Variants in WDR33 observed in about 807,000 individuals in gnomAD.
WDR33 encodes the protein pre-mRNA 3' end processing protein WDR33.
In WDR33, 47 loss-of-function variants were observed where a neutral mutation model predicts 164.9. That is an observed-to-expected ratio of 0.29 (90% confidence interval 0.23 to 0.36). The LOEUF (loss-of-function observed/expected upper bound fraction) is 0.36, where lower values mean the gene tolerates loss of function less well. Ranked by LOEUF, WDR33 falls within the 10% of genes least tolerant of loss-of-function variation. WDR33 has a pLI of 1.00. For synonymous variants in WDR33, 505 were observed against 589.0 expected, an observed-to-expected ratio of 0.86 and a Z score of 2.06; for missense variants, 1,137 against 1,754.1, an observed-to-expected ratio of 0.65 and a Z score of 6.28.
chr2:127,755,210 T>G (rs1405937367), intron 7 of WDR33, among the ~76,000 whole-genome samples: 3 of 152,234 alleles, frequency 2.0e-5, no homozygotes, highest in Non-Finnish European at 4.4e-5. Flanking sequence ...AAATATCTTC[T>G]CAAATCCTGA....
At chr2:127,737,726 C>A in intron 7 of WDR33, 1 of 1,168,232 alleles carries the variant, frequency 8.6e-7, no homozygotes, top group Non-Finnish European at 1.1e-6. Context: ...AATGATTCTT[C>A]TGGAGCACTT....
chr2:127,718,012 T>TC lies in WDR33; in HGVS notation c.2761-750dup, dbSNP rs1686338196. 6.6e-6 allele frequency among the ~76,000 whole-genome samples: 1 copy of TC among 152,146 alleles called. No individual in the cohort carries two copies. Among genetic ancestry groups the TC allele is most frequent in the African/African-American group, 2.4e-5 (1 of 41,432 alleles). ...GTAAATTAATAAAATATATAATACTTCAAGTTTTAGGGCAATTTAGAATGG... is the reference window on the plus strand; with the variant it reads ...GTAAATTAATAAAATATATAATACTTCCAAGTTTTAGGGCAATTTAGAATGG... On this transcript the variant is annotated intron_variant, in intron 16 of 21. Transcript: ENST00000322313. This position sits in a 1 kb window ranked among gnomAD's most constrained non-coding sequence, Gnocchi z 4.4.
chr2:127,784,698 A>C (rs1264092492), intron 1 of WDR33, among the ~76,000 whole-genome samples: 1 of 152,188 alleles, frequency 6.6e-6, no homozygotes, highest in Non-Finnish European at 1.5e-5. Context: ...TGTATCAACA[A>C]GCTTTTTATA....
Position 127,738,446 on chromosome 2 carries a change from T to C in WDR33, c.725-11669A>G, listed in dbSNP as rs1353874619. Among the ~76,000 whole-genome samples the C allele has an allele frequency of 4.6e-5, 7 of 152,126 alleles. No homozygotes were observed. The highest frequency in any genetic ancestry group is 1.0e-4 in the Non-Finnish European group (7 of 68,022). ...CCACCTGAAAAGAGGTGAGGTGTAA[T>C]GCTCCACTCCTTAAGTGTGGGCTAT... On this transcript the variant is annotated intron_variant, in intron 7 of 21. Transcript: ENST00000322313. The surrounding 1 kb of genome is among the most constrained non-coding windows in gnomAD (Gnocchi z 4.4).
intron 1 of WDR33, among the ~76,000 whole-genome samples, chr2:127,797,361 G>C (rs1030530057): frequency 2.6e-5 from 4 of 151,828 alleles, no homozygotes; most frequent in African/African-American, 9.7e-5. Flanking sequence ...GCGTGGTGGC[G>C]CACACCTGTA....
chr2:127,800,077 G>C (rs1573482119), intron 1 of WDR33, among the ~76,000 whole-genome samples: 1 of 152,210 alleles, frequency 6.6e-6, no homozygotes, highest in Non-Finnish European at 1.5e-5. Flanking sequence ...CTGAAAATTA[G>C]GTGGGAAAAT....
chr2:127,809,404 T>C (rs923104285), intron 1 of WDR33, among the ~76,000 whole-genome samples: 4 of 151,584 alleles, frequency 2.6e-5, no homozygotes, highest in Middle Eastern at 3.2e-3. Flanking sequence ...GTCTAAACCA[T>C]TGTAATATAT....
rs372196765 is a variant in WDR33 at position 127,732,770 on chromosome 2, G to A, written c.725-5993C>T. Among the ~76,000 whole-genome samples, 7 of 152,126 alleles carry A rather than the reference G, an allele frequency of 4.6e-5. No individual in the cohort carries two copies. In the East Asian group the frequency reaches 1.3e-3, roughly 29 times the overall value. On this transcript the variant is annotated intron_variant, in intron 7 of 21. Transcript: ENST00000322313. ...GGGGTGCATTAAGTTTCAAGATACT[G>A]TGGGTTTTGTGAAGAGGCAAACCGT...
At position 127,750,698 on chromosome 2, in the gene WDR33, A is replaced by C. The variant is rs866288109; in HGVS notation, c.724+12364T>G. Among the ~76,000 whole-genome samples, 567 of 60,266 alleles carry C rather than the reference A, an allele frequency of 9.4e-3. 17 individuals are homozygous for C. Among genetic ancestry groups the C allele is most frequent in the African/African-American group, 0.052 (528 of 10,200 alleles). The allele number at this position is 60,266 out of a possible 152,430, so 39.5% of individuals were successfully genotyped here. A position where few individuals can be genotyped will look rare whatever the true frequency, so the allele number is the denominator to read the frequency against. ...AAAAAATATATATATATATATATATATATATATATATATATGTATGTATGC... is the reference window on the plus strand; with the variant it reads ...AAAAAATATATATATATATATATATCTATATATATATATATGTATGTATGC... On this transcript the variant is annotated intron_variant, in intron 7 of 21. Transcript: ENST00000322313.
chr2:127,702,359 C>T lies in WDR33; in HGVS notation c.*3964G>A, dbSNP rs558979569. The T allele has an allele frequency of 9.3e-5, 44 of 471,662 alleles. No homozygotes were observed. Among genetic ancestry groups the T allele is most frequent in the East Asian group, 1.5e-4 (3 of 19,950 alleles). The allele number at this position is 471,662 out of a possible 1,614,324, so 29.2% of individuals were successfully genotyped here. A position where few individuals can be genotyped will look rare whatever the true frequency, so the allele number is the denominator to read the frequency against. ...GGAGGCGACAGCAGCGTTGGGAGCT[C>T]CTCGATGTCAGCTTTTTGTGCTGGA... On this transcript the variant is annotated 3_prime_UTR_variant, in exon 22 of 22. Coordinates refer to ENST00000322313, the MANE Select transcript of WDR33 (RefSeq NM_018383.5).
intron 1 of WDR33, among the ~76,000 whole-genome samples, chr2:127,795,836 GAAAA>G (rs200785408): frequency 6.9e-6 from 1 of 143,932 alleles, no homozygotes; most frequent in Non-Finnish European, 1.5e-5. Flanking sequence ...TTTGTCTCCG[GAAAA>G]AAAAAAACTG....
At position 127,711,774 on chromosome 2, in the gene WDR33, A is replaced by ATTTTTTTTTTTTT. The variant is rs1382438028; in HGVS notation, c.3308+1808_3308+1809insAAAAAAAAAAAAA. 2.1e-3 allele frequency among the ~76,000 whole-genome samples: 193 copies of ATTTTTTTTTTTTT among 93,284 alleles called. 9 individuals carry two copies. The highest frequency in any genetic ancestry group is 6.5e-3 in the Middle Eastern group (1 of 154). The allele number at this position is 93,284 out of a possible 152,430, so 61.2% of individuals were successfully genotyped here. The stretch of plus-strand genomic sequence containing the variant: ...CAGATATATATATATATATATATAT[A>ATTTTTTTTTTTTT]TATATATTTTTTTTTTGAGACAGAG... On this transcript the variant is annotated intron_variant, in intron 18 of 21. Coordinates refer to ENST00000322313, the MANE Select transcript of WDR33 (RefSeq NM_018383.5).
Position 127,721,813 on chromosome 2 carries a change from C to T in WDR33, c.1671+23G>A, listed in dbSNP as rs1353221244. ...CTACCCTCTTAGATCATCTTGAATT[C>T]CCCCCTACAGAGCTTCACACACCTC... On this transcript the variant is annotated intron_variant, in intron 15 of 21. Coordinates refer to ENST00000322313, the MANE Select transcript of WDR33 (RefSeq NM_018383.5). This position sits in a 1 kb window ranked among gnomAD's most constrained non-coding sequence, Gnocchi z 4.9. The T allele has an allele frequency of 6.3e-7, 1 of 1,587,044 alleles. No homozygotes were observed.
intron 7 of WDR33, among the ~76,000 whole-genome samples, chr2:127,757,345 C>T (rs900016024): frequency 1.3e-5 from 2 of 152,074 alleles, no homozygotes; most frequent in South Asian, 4.1e-4. Context: ...TATTTCAGAA[C>T]CCTACTACAC....
chr2:127,709,639 A>C lies in WDR33; in HGVS notation c.3472+54T>G. ...GACTGTTCCTGGTGTATTCACAACC[A>C]GTGTATTCTGCACCCTATCCTTCCA... On this transcript the variant is annotated intron_variant, in intron 19 of 21. Coordinates refer to ENST00000322313, the MANE Select transcript of WDR33 (RefSeq NM_018383.5). The surrounding 1 kb of genome is among the most constrained non-coding windows in gnomAD (Gnocchi z 5.0). 6.2e-7 allele frequency: 1 copy of C among 1,613,548 alleles called. No homozygotes were observed. The highest frequency in any genetic ancestry group is 8.5e-7 in the Non-Finnish European group (1 of 1,179,472).
In WDR33 at chr2:127,719,368, T is replaced by C; in HGVS notation, c.2657A>G (p.Gln886Arg). The C allele has an allele frequency of 6.6e-7, 1 of 1,516,002 alleles. No individual in the cohort carries two copies. The allele number at this position is 1,516,002 out of a possible 1,614,324, so 93.9% of individuals were successfully genotyped here. A position where few individuals can be genotyped will look rare whatever the true frequency, so the allele number is the denominator to read the frequency against. ...GMQGPPGPQG[Q>R]QNPARGPHPS... The stretch of plus-strand genomic sequence containing the variant: ...ATGTGGCCCTCTTGCTGGGTTCTGC[T>C]GTCCCTGAGGTCCGGGGGGTCCTTG... Residue 886 changes from glutamine to arginine, a missense_variant, in exon 16 of 22, where the codon CAG (glutamine) becomes CGG (arginine). Physicochemically the swap from Gln to Arg is conservative, Grantham distance 43. Around this residue, in one of 9 missense-constraint regions of WDR33, gnomAD observed 867 missense variants for 1,073.0 expected, o/e 0.81. Transcript: ENST00000322313. The surrounding 1 kb of genome is among the most constrained non-coding windows in gnomAD (Gnocchi z 6.5).
At chr2:127,771,548 G>A (rs1344042148) in intron 1 of WDR33, among the ~76,000 whole-genome samples, 2 of 152,134 alleles carry the variant, frequency 1.3e-5, no homozygotes, top group Admixed American at 6.5e-5. Context: ...CGGTCAAGGC[G>A]GAAGGATCGC....
intron 7 of WDR33, among the ~76,000 whole-genome samples, chr2:127,751,431 T>A (rs867415721): frequency 0.015 from 2,040 of 133,316 alleles, 22 homozygotes; most frequent in Middle Eastern, 0.09. Context: ...ATGCTCTATT[T>A]AAAAAAAAAA....
Position 127,751,662 on chromosome 2 carries a change from A to T in WDR33, c.724+11400T>A, listed in dbSNP as rs566753906. 7.9e-5 allele frequency among the ~76,000 whole-genome samples: 12 copies of T among 152,254 alleles called. No homozygotes were observed. In the South Asian group the frequency reaches 8.3e-4, roughly 11 times the overall value. ...GATCTGATTTAACTATTGCAAAAAA[A>T]TTTTTTTAATATTACCACCACCAAA... On this transcript the variant is annotated intron_variant, in intron 7 of 21. Transcript: ENST00000322313.
Sources: gnomAD v4.1 joint callset for allele counts (sites outside exome capture counted in the v4.1 genomes callset) on GRCh38, gnomAD v4.1.1 for gene constraint, gnomAD v4.1.1 regional missense constraint, Gnocchi (gnomAD v3.1) non-coding constraint, MANE v1.5 for transcripts, NCBI Gene and HGNC (gene_info 2026-07-23, HGNC 2026-07-21) for gene names.